The following CNTN5 variants were observed in gnomAD, a reference collection of about 807,000 sequenced individuals.
The protein encoded by CNTN5 is contactin 5, also known as contactin-5.
In CNTN5, 77 loss-of-function variants were observed where a neutral mutation model predicts 129.1. The observed-to-expected ratio is 0.60, with a 90% CI of 0.50 to 0.72. The LOEUF (loss-of-function observed/expected upper bound fraction) is 0.72. Among genes scored for constraint, CNTN5 ranks in the 30% least tolerant of loss-of-function variants. The pLI is 0.00. For synonymous variants in CNTN5, 509 were observed against 465.6 expected, an observed-to-expected ratio of 1.09 and a Z score of -1.20; for missense variants, 1,478 against 1,328.8, an observed-to-expected ratio of 1.11 and a Z score of -1.75.
intron 3 of CNTN5, among the ~76,000 whole-genome samples, chr11:99,797,660 TA>T (rs1945987807): frequency 6.6e-6 from 1 of 152,260 alleles, no homozygotes; most frequent in South Asian, 2.1e-4. Flanking sequence ...TTTAAGTACT[TA>T]AAAATTTTAG....
chr11:99,775,007 G>C (rs1489447837), intron 3 of CNTN5, among the ~76,000 whole-genome samples: 1 of 152,010 alleles, frequency 6.6e-6, no homozygotes, highest in Non-Finnish European at 1.5e-5. Context: ...CTGTGGACCT[G>C]AATAAATTGA....
intron 2 of CNTN5, among the ~76,000 whole-genome samples, chr11:99,463,889 A>C (rs1247912459): frequency 6.6e-6 from 1 of 152,232 alleles, no homozygotes; most frequent in Admixed American, 6.5e-5. Context: ...TTTAAATAGC[A>C]GTTTTTAAAC....
chr11:100,121,288 T>A (rs770249437), intron 13 of CNTN5, among the ~76,000 whole-genome samples: 1 of 152,082 alleles, frequency 6.6e-6, no homozygotes, highest in African/African-American at 2.4e-5. Flanking sequence ...ACCAAGACTA[T>A]TGGATCCATA....
chr11:99,140,320 T>C (rs933540771), intron 1 of CNTN5, among the ~76,000 whole-genome samples: 2 of 152,090 alleles, frequency 1.3e-5, no homozygotes, highest in South Asian at 4.1e-4. Flanking sequence ...GTAGTGAGCA[T>C]AGTACATACT....
At chr11:100,266,464 C>G (rs972277407) in intron 17 of CNTN5, among the ~76,000 whole-genome samples, 2 of 152,064 alleles carry the variant, frequency 1.3e-5, no homozygotes, top group South Asian at 2.1e-4. Flanking sequence ...TATCCTTAAT[C>G]TCCATAATAT....
At chr11:99,694,620 T>C (rs1419745855) in intron 3 of CNTN5, among the ~76,000 whole-genome samples, 1 of 152,116 alleles carries the variant, frequency 6.6e-6, no homozygotes, top group African/African-American at 2.4e-5. Context: ...GCTGCACCTA[T>C]CAACCTGTCA....
intron 1 of CNTN5, among the ~76,000 whole-genome samples, chr11:99,075,131 C>T (rs1359089059): frequency 1.3e-5 from 2 of 152,162 alleles, no homozygotes; most frequent in African/African-American, 4.8e-5. Context: ...TCTAACAATA[C>T]ATCAATACTC....
chr11:100,159,941 T>C (rs1947386068), intron 13 of CNTN5, among the ~76,000 whole-genome samples: 1 of 151,820 alleles, frequency 6.6e-6, no homozygotes, highest in African/African-American at 2.4e-5. Flanking sequence ...TCTTTTCATA[T>C]ATATACTTTA....
At chr11:99,125,391 T>A (rs1250919999) in intron 1 of CNTN5, among the ~76,000 whole-genome samples, 1 of 151,726 alleles carries the variant, frequency 6.6e-6, no homozygotes, top group Non-Finnish European at 1.5e-5. Flanking sequence ...TGGCTTTTGA[T>A]AAAATTTTAC....
At chr11:99,626,339 CTG>C (rs5794006) in intron 3 of CNTN5, among the ~76,000 whole-genome samples, 21,662 of 152,088 alleles carry the variant, frequency 0.14, 1,745 homozygotes, top group South Asian at 0.23. Context: ...ACATGAGAAA[CTG>C]TTTTTTAACA....
At chr11:99,978,895 C>T (rs1938166544) in intron 8 of CNTN5, among the ~76,000 whole-genome samples, 1 of 152,130 alleles carries the variant, frequency 6.6e-6, no homozygotes, top group Non-Finnish European at 1.5e-5. Context: ...GCTTTGGCAT[C>T]ATTTAAAGAA....
At chr11:99,337,697 A>T (rs1264697894) in intron 2 of CNTN5, among the ~76,000 whole-genome samples, 1 of 152,090 alleles carries the variant, frequency 6.6e-6, no homozygotes, top group African/African-American at 2.4e-5. Flanking sequence ...GGGCCAGTTT[A>T]TGGCTGGATT....
In CNTN5 at chr11:99,532,266, TG is replaced by T. The variant is rs1172388828; in HGVS notation, c.-70-23878del. ...ACTTGCATGGGCCCTGTAAACCCTTTGTTTTGGCCAATTTCTTCTGTTTGGA... is the reference window on the plus strand; with the variant it reads ...ACTTGCATGGGCCCTGTAAACCCTTTTTTTGGCCAATTTCTTCTGTTTGGA... On this transcript the variant is annotated intron_variant, in intron 2 of 24. Transcript: ENST00000524871. 2.6e-5 allele frequency among the ~76,000 whole-genome samples: 4 copies of T among 152,116 alleles called. No individual in the cohort carries two copies. The East Asian group carries it at 7.7e-4, about 29-fold the overall frequency.
At chr11:99,781,638 C>T (rs1945314406) in intron 3 of CNTN5, among the ~76,000 whole-genome samples, 1 of 152,012 alleles carries the variant, frequency 6.6e-6, no homozygotes, top group African/African-American at 2.4e-5. Context: ...AGCTCCTACA[C>T]CCAGCAGGTA....
intron 1 of CNTN5, among the ~76,000 whole-genome samples, chr11:99,083,918 C>T (rs1437417822): frequency 3.3e-5 from 5 of 152,140 alleles, no homozygotes; most frequent in African/African-American, 1.2e-4. Context: ...AGATTTCTGG[C>T]ATCGCATCCC....
intron 3 of CNTN5, among the ~76,000 whole-genome samples, chr11:99,720,431 T>G (rs979564343): frequency 8.1e-5 from 12 of 148,218 alleles, no homozygotes; most frequent in Admixed American, 7.9e-4. Context: ...TCAATAGATG[T>G]AGAAAATGCT....
At position 100,258,944 on chromosome 11, in the gene CNTN5, AAT is replaced by A. The variant is rs1172496471; in HGVS notation, c.2164+3029_2164+3030del. ...TAACAGGATCAAATTTACACATAACAATATTAACCTTAAATATAAATGGGCTA... is the reference window on the plus strand; with the variant it reads ...TAACAGGATCAAATTTACACATAACAATTAACCTTAAATATAAATGGGCTA... On this transcript the variant is annotated intron_variant, in intron 17 of 24. Coordinates refer to ENST00000524871, the MANE Select transcript of CNTN5 (RefSeq NM_014361.4). Among the ~76,000 whole-genome samples, 7 of 152,356 alleles carry A rather than the reference AAT, an allele frequency of 4.6e-5. No individual in the cohort carries two copies. The East Asian group carries it at 1.3e-3, about 29-fold the overall frequency.
chr11:99,992,196 T>C (rs1430583848), intron 8 of CNTN5, among the ~76,000 whole-genome samples: 2 of 152,218 alleles, frequency 1.3e-5, no homozygotes, highest in Non-Finnish European at 2.9e-5. Flanking sequence ...ACAGGAGTTC[T>C]TAACTCCAGC....
chr11:99,223,465 TTC>T (rs1289186506), intron 1 of CNTN5, among the ~76,000 whole-genome samples: 3 of 152,200 alleles, frequency 2.0e-5, no homozygotes. Context: ...TTCTATTTCT[TTC>T]TCTCTCTTTT....
Sources: allele counts gnomAD v4.1 joint callset (sites outside exome capture counted in the v4.1 genomes callset), GRCh38; gene constraint gnomAD v4.1.1; transcripts MANE v1.5; gene names NCBI Gene and HGNC (gene_info 2026-07-23, HGNC 2026-07-21).